GNG2: variants seen among roughly 807,000 people sequenced by gnomAD.
GNG2 encodes G protein subunit gamma 2.
A neutral mutation model predicts 5.5 loss-of-function variants in GNG2; 5 were observed. That is an observed-to-expected ratio of 0.91 (90% CI 0.48 to 1.92). The LOEUF (loss-of-function observed/expected upper bound fraction) is 1.92. GNG2 is among the 30% of genes most tolerant of loss of function. The pLI is 0.01. For synonymous variants in GNG2, 28 were observed against 32.0 expected (o/e 0.88, Z 0.42); for missense variants, 55 against 88.4 (o/e 0.62, Z 1.52).
intron 1 of GNG2, among the ~76,000 whole-genome samples, chr14:51,866,851 G>C (rs4898722): frequency 2.6e-5 from 4 of 151,870 alleles, no homozygotes. Flanking sequence ...AAAGATCTGC[G>C]TCATTCACAT....
In GNG2 at chr14:51,967,694, G is replaced by A. The variant is rs1890003784; in HGVS notation, c.*1007G>A. On this transcript the variant is annotated 3_prime_UTR_variant, in exon 4 of 4. Transcript: ENST00000556766. Reference sequence around the variant, plus strand: ...CATTTTGGTTTATCCAGGACCCAGGGCAGCACAGCTGTCACCAAGCAGGAG... The same window carrying A: ...CATTTTGGTTTATCCAGGACCCAGGACAGCACAGCTGTCACCAAGCAGGAG... 6.6e-6 allele frequency: 1 copy of A among 151,978 alleles called. No homozygotes were observed. Among genetic ancestry groups the A allele is most frequent in the Non-Finnish European group, 1.5e-5 (1 of 68,008 alleles). 9.4% of individuals were successfully genotyped at this position (151,978 alleles called of 1,614,324 possible). A position where few individuals can be genotyped will look rare whatever the true frequency, so the allele number is the denominator to read the frequency against.
At chr14:51,880,410 A>G (rs1883967440) in intron 2 of GNG2, among the ~76,000 whole-genome samples, 1 of 152,348 alleles carries the variant, frequency 6.6e-6, no homozygotes, top group South Asian at 2.1e-4. Flanking sequence ...ATTATAGCCA[A>G]TTTCTAGGTA....
At position 51,845,675 on chromosome 14, in the gene GNG2, C is replaced by G. The variant is rs544845881; in HGVS notation, c.64+17868C>G. Reference sequence around the variant, plus strand: ...TAGAACTCCCTCTCAGAGAGTCATCCCAGATGTCAGAATATCAAAAGCCCC... The same window carrying G: ...TAGAACTCCCTCTCAGAGAGTCATCGCAGATGTCAGAATATCAAAAGCCCC... On this transcript the variant is annotated intron_variant, in intron 2 of 3. Transcript: ENST00000553432. 5.9e-5 allele frequency among the ~76,000 whole-genome samples: 9 copies of G among 152,172 alleles called. 1 individual carries two copies. The highest frequency in any genetic ancestry group is 2.2e-4 in the African/African-American group (9 of 41,520).
At chr14:51,873,396 G>T (rs1417399286) in intron 1 of GNG2, among the ~76,000 whole-genome samples, 1 of 152,194 alleles carries the variant, frequency 6.6e-6, no homozygotes, top group Non-Finnish European at 1.5e-5. Flanking sequence ...AAAGCAAGAG[G>T]GGGAGAGAAA....
At chr14:51,893,726 C>A (rs1181129313) in intron 2 of GNG2, among the ~76,000 whole-genome samples, 1 of 151,976 alleles carries the variant, frequency 6.6e-6, no homozygotes, top group African/African-American at 2.4e-5. Context: ...TTTTAAAAAA[C>A]ATTTCTCCAT....
chr14:51,925,927 T>A (rs1887286301), intron 2 of GNG2, among the ~76,000 whole-genome samples: 1 of 151,922 alleles, frequency 6.6e-6, no homozygotes, highest in South Asian at 2.1e-4. Context: ...TGGCCTGAAG[T>A]CTTAAATATA....
intron 2 of GNG2, among the ~76,000 whole-genome samples, chr14:51,941,832 T>G (rs1888332087): frequency 6.6e-6 from 1 of 152,252 alleles, no homozygotes; most frequent in Non-Finnish European, 1.5e-5. Context: ...TTCATGTTTC[T>G]TGTTGGTTGG....
intron 2 of GNG2, among the ~76,000 whole-genome samples, chr14:51,894,500 G>A (rs991951402): frequency 6.6e-6 from 1 of 152,090 alleles, no homozygotes; most frequent in African/African-American, 2.4e-5. Context: ...TGCTACAATG[G>A]ATCATATTAT....
chr14:51,891,077 A>T (rs1280546447), intron 2 of GNG2, among the ~76,000 whole-genome samples: 1 of 152,202 alleles, frequency 6.6e-6, no homozygotes, highest in Non-Finnish European at 1.5e-5. Flanking sequence ...CAAGTTAGTA[A>T]TCCTTGTTCA....
intron 2 of GNG2, among the ~76,000 whole-genome samples, chr14:51,839,236 A>G (rs1325194768): frequency 2.0e-5 from 3 of 152,222 alleles, no homozygotes; most frequent in African/African-American, 7.2e-5. Flanking sequence ...GAGACATGAG[A>G]CATCAATCAA....
rs751070243 is a variant in GNG2, at chr14:51,966,725, G to C, written c.*38G>C. 1 of 1,593,834 alleles carries C rather than the reference G, an allele frequency of 6.3e-7. No individual in the cohort carries two copies. Among genetic ancestry groups the C allele is most frequent in the Non-Finnish European group, 8.6e-7 (1 of 1,162,140 alleles). ...GGCCTGAAGAGCCTCCGGGCTCCTG[G>C]GACATTGATGTAGAGTTTTTAGTGA... On this transcript the variant is annotated 3_prime_UTR_variant, in exon 4 of 4. Transcript: ENST00000556766.
intron 1 of GNG2, among the ~76,000 whole-genome samples, chr14:51,872,461 A>G (rs1264166309): frequency 6.6e-6 from 1 of 152,088 alleles, no homozygotes; most frequent in Non-Finnish European, 1.5e-5. Flanking sequence ...CAAAATTACT[A>G]GCATATATAT....
intron 2 of GNG2, among the ~76,000 whole-genome samples, chr14:51,837,640 C>T (rs557029544): frequency 8.3e-6 from 1 of 120,648 alleles, no homozygotes; most frequent in East Asian, 2.2e-4. Flanking sequence ...GGGTGAGACT[C>T]CGTTTCAAAA....
chr14:51,863,781 G>A (rs553135650), intron 1 of GNG2, among the ~76,000 whole-genome samples: 2 of 152,184 alleles, frequency 1.3e-5, no homozygotes, highest in African/African-American at 4.8e-5. Flanking sequence ...TACAATATTT[G>A]TCCTTTTGTG....
At chr14:51,863,427 G>A (rs151207752) in intron 1 of GNG2, among the ~76,000 whole-genome samples, 73 of 152,272 alleles carry the variant, frequency 4.8e-4, no homozygotes, top group African/African-American at 1.7e-3. Flanking sequence ...GTACTGAAAT[G>A]TTATTTTTTT....
intron 2 of GNG2, among the ~76,000 whole-genome samples, chr14:51,835,837 ATTTTCAGGTC>A (rs1299648541): frequency 6.6e-6 from 1 of 152,100 alleles, no homozygotes; most frequent in Admixed American, 6.6e-5. Context: ...CTTATTACTA[ATTTTCAGGTC>A]TTTTGCTGGG....
intron 1 of GNG2, among the ~76,000 whole-genome samples, chr14:51,874,419 T>A (rs1369725344): frequency 4.9e-5 from 6 of 122,342 alleles, no homozygotes; most frequent in African/African-American, 1.9e-4. Flanking sequence ...AGCGAGACTC[T>A]GTCTCAAAAA....
chr14:51,832,333 A>T (rs575362063), intron 2 of GNG2, among the ~76,000 whole-genome samples: 2 of 151,104 alleles, frequency 1.3e-5, no homozygotes, highest in African/African-American at 4.8e-5. Flanking sequence ...TCAAATGATG[A>T]TAAGAGAATT....
intron 2 of GNG2, among the ~76,000 whole-genome samples, chr14:51,930,432 TC>T (rs775468975): frequency 6.6e-6 from 1 of 152,206 alleles, no homozygotes; most frequent in Non-Finnish European, 1.5e-5. Context: ...GGACTTTGTT[TC>T]CTAGGGTTTC....
Sources: allele counts gnomAD v4.1 joint callset (sites outside exome capture counted in the v4.1 genomes callset), GRCh38; gene constraint gnomAD v4.1.1; transcripts MANE v1.5; gene names NCBI Gene and HGNC (gene_info 2026-07-23, HGNC 2026-07-21).